TEX9: variants seen among roughly 807,000 people sequenced by gnomAD.
TEX9 encodes the protein testis-expressed protein 9.
In TEX9, 74 loss-of-function variants were observed where a neutral mutation model predicts 59.6. That is an observed-to-expected ratio of 1.24 (90% CI 1.03 to 1.51). The LOEUF (loss-of-function observed/expected upper bound fraction) is 1.51, where lower values mean the gene tolerates loss of function less well. TEX9 is among the 40% of genes most tolerant of loss of function. TEX9 has a pLI of 0.00. For synonymous variants in TEX9, 186 were observed against 152.2 expected, an observed-to-expected ratio of 1.22 and a Z score of -1.64; for missense variants, 522 against 447.8, an observed-to-expected ratio of 1.17 and a Z score of -1.49.
intron 10 of TEX9, among the ~76,000 whole-genome samples, chr15:56,414,372 C>G (rs1286541118): frequency 6.6e-6 from 1 of 151,630 alleles, no homozygotes. Flanking sequence ...ATAGTTATCT[C>G]TTCTGCTCCT....
chr15:56,447,590 AT>A (rs2140365277), downstream of TEX9: 1 of 152,322 alleles, frequency 6.6e-6, no homozygotes, highest in Non-Finnish European at 1.5e-5. Flanking sequence ...CAGAAATACA[AT>A]TAATGTTTAT....
At chr15:56,420,330 C>G (rs1017113513) in intron 10 of TEX9, among the ~76,000 whole-genome samples, 2 of 150,772 alleles carry the variant, frequency 1.3e-5, no homozygotes, top group African/African-American at 4.9e-5. Flanking sequence ...CTCCCCTAGA[C>G]AGAGTCTTGC....
chr15:56,267,534 C>G (rs889677051), intron 1 of TEX9, among the ~76,000 whole-genome samples: 2 of 152,142 alleles, frequency 1.3e-5, no homozygotes, highest in Non-Finnish European at 2.9e-5. Flanking sequence ...CCAGTTTCAG[C>G]TTTCTGCATA....
At chr15:56,440,920 T>C (rs12438630) in intron 12 of TEX9, among the ~76,000 whole-genome samples, 6,735 of 152,266 alleles carry the variant, frequency 0.044, 222 homozygotes, top group Admixed American at 0.088. Context: ...TTTCTACTTT[T>C]AGACTATTGT....
chr15:56,428,138 G>C (rs140091119), intron 11 of TEX9, among the ~76,000 whole-genome samples: 13 of 152,026 alleles, frequency 8.6e-5, no homozygotes, highest in Admixed American at 2.0e-4. Context: ...GCAAAGGTCA[G>C]GTATTTAAAA....
chr15:56,357,112 T>C (rs1167347367), intron 1 of TEX9, among the ~76,000 whole-genome samples: 2 of 152,152 alleles, frequency 1.3e-5, no homozygotes, highest in Non-Finnish European at 2.9e-5. Context: ...CCCTACCCTA[T>C]AAATTCAGAA....
rs867554942 is a variant in TEX9, at chr15:56,425,196, A to G, written c.964-2409A>G. On this transcript the variant is annotated intron_variant, in intron 10 of 12. Transcript: ENST00000352903. ...CTCTTTGTCTGACACTCGACTGATTAAAATGTGTCTTGCTGTGGGTCTCTG... is the reference window on the plus strand; with the variant it reads ...CTCTTTGTCTGACACTCGACTGATTGAAATGTGTCTTGCTGTGGGTCTCTG... 2.6e-5 allele frequency among the ~76,000 whole-genome samples: 4 copies of G among 152,276 alleles called. No individual in the cohort carries two copies. In the Middle Eastern group the frequency reaches 0.01, roughly 388 times the overall value.
intron 10 of TEX9, among the ~76,000 whole-genome samples, chr15:56,413,912 T>C (rs570480976): frequency 1.3e-5 from 2 of 151,862 alleles, no homozygotes; most frequent in East Asian, 3.9e-4. Context: ...GTCTGTGAGA[T>C]AGTTTGTTAT....
chr15:56,265,035 C>T (rs1192239080), intron 1 of TEX9, among the ~76,000 whole-genome samples: 6 of 152,122 alleles, frequency 3.9e-5, no homozygotes, highest in Non-Finnish European at 7.4e-5. Flanking sequence ...TGTAGTAAGT[C>T]CTCCAATTTT....
intron 10 of TEX9, among the ~76,000 whole-genome samples, chr15:56,419,579 T>A (rs1464649420): frequency 6.6e-6 from 1 of 151,884 alleles, no homozygotes; most frequent in African/African-American, 2.4e-5. Flanking sequence ...TCCTGGGATA[T>A]ATTGCACTTG....
At chr15:56,416,885 C>T (rs1482446874) in intron 10 of TEX9, among the ~76,000 whole-genome samples, 8 of 151,720 alleles carry the variant, frequency 5.3e-5, no homozygotes, top group Non-Finnish European at 1.2e-4. Context: ...AGTTTTGGAG[C>T]TCATTATTGG....
At chr15:56,347,322 C>T (rs1322912578) in intron 1 of TEX9, among the ~76,000 whole-genome samples, 2 of 151,922 alleles carry the variant, frequency 1.3e-5, no homozygotes, top group Admixed American at 6.6e-5. Context: ...TACTCAGTTT[C>T]AAAACTTATT....
At chr15:56,418,960 G>A (rs1264441498) in intron 10 of TEX9, among the ~76,000 whole-genome samples, 1 of 151,824 alleles carries the variant, frequency 6.6e-6, no homozygotes, top group Non-Finnish European at 1.5e-5. Flanking sequence ...GTTTTGATAG[G>A]CATTGTGTTG....
At chr15:56,423,640 A>C (rs1344577788) in intron 10 of TEX9, among the ~76,000 whole-genome samples, 1 of 152,102 alleles carries the variant, frequency 6.6e-6, no homozygotes, top group Non-Finnish European at 1.5e-5. Context: ...TTATCACCCC[A>C]AAAAGAACGT....
At chr15:56,253,332 A>G (rs960516733) in intron 1 of TEX9, among the ~76,000 whole-genome samples, 9 of 152,186 alleles carry the variant, frequency 5.9e-5, no homozygotes, top group Non-Finnish European at 8.8e-5. Context: ...GGTTCAACAC[A>G]TGCTATGTCA....
chr15:56,329,891 A>G (rs2046104833), intron 1 of TEX9, among the ~76,000 whole-genome samples: 1 of 152,208 alleles, frequency 6.6e-6, no homozygotes, highest in African/African-American at 2.4e-5. Context: ...TCTTAAACCT[A>G]GAGAATATTA....
intron 1 of TEX9, among the ~76,000 whole-genome samples, chr15:56,256,623 G>C (rs997444248): frequency 6.6e-5 from 10 of 151,770 alleles, no homozygotes; most frequent in Non-Finnish European, 1.5e-4. Flanking sequence ...AACCAAAAAT[G>C]TCAAAAGTCT....
At chr15:56,339,397 A>AAAACAAAC (rs1289840532) in intron 1 of TEX9, among the ~76,000 whole-genome samples, 957 of 61,080 alleles carry the variant, frequency 0.016, 45 homozygotes, top group African/African-American at 0.036. Context: ...AAAAAAAAAA[A>AAAACAAAC]AAAAAAAAAA....
intron 1 of TEX9, among the ~76,000 whole-genome samples, chr15:56,321,027 T>C (rs2045889986): frequency 6.6e-6 from 1 of 152,234 alleles, no homozygotes; most frequent in Non-Finnish European, 1.5e-5. Flanking sequence ...TGTTAACTTC[T>C]GGTTTTTATG....
Sources: gnomAD v4.1 joint callset for allele counts (sites outside exome capture counted in the v4.1 genomes callset) on GRCh38, gnomAD v4.1.1 for gene constraint, MANE v1.5 for transcripts, NCBI Gene and HGNC (gene_info 2026-07-23, HGNC 2026-07-21) for gene names.